Variants in CERS1 observed in about 807,000 individuals in gnomAD.
CERS1 encodes Embryonic growth/differentiation factor 1.
A neutral mutation model predicts 35.7 loss-of-function variants in CERS1; 16 were observed. That is an observed-to-expected ratio of 0.45 (90% CI 0.30 to 0.68). The LOEUF (loss-of-function observed/expected upper bound fraction) is 0.68, where lower values mean the gene tolerates loss of function less well. CERS1 is among the 30% of genes least tolerant of loss of function. The pLI, the probability that CERS1 is intolerant of heterozygous loss-of-function variation, is 0.08. For missense variants in CERS1, 454 were observed against 453.9 expected, an observed-to-expected ratio of 1.00 and a Z score of 0.00; for synonymous variants, 243 against 201.6, an observed-to-expected ratio of 1.21 and a Z score of -1.74.
intron 6 of CERS1, among the ~76,000 whole-genome samples, chr19:18,876,125 C>G (rs1483373242): frequency 6.6e-6 from 1 of 150,540 alleles, no homozygotes; most frequent in African/African-American, 2.4e-5. Context: ...GCTGGGATTG[C>G]AGGCGTGCGC....
intron 2 of CERS1, among the ~76,000 whole-genome samples, chr19:18,890,134 C>T (rs1349144202): frequency 6.6e-6 from 1 of 152,192 alleles, no homozygotes; most frequent in Non-Finnish European, 1.5e-5. Flanking sequence ...ATGGCATGGC[C>T]CCCACTTGCC....
intron 6 of CERS1, chr19:18,877,774 A>AT: frequency 1.2e-5 from 2 of 160,932 alleles, no homozygotes; most frequent in Non-Finnish European, 2.6e-5. Flanking sequence ...AAAAAAAAAA[A>AT]GAATTCTTGA....
At chr19:18,892,984 TCG>T (rs1473341470) in intron 2 of CERS1, among the ~76,000 whole-genome samples, 5 of 143,990 alleles carry the variant, frequency 3.5e-5, no homozygotes, top group South Asian at 2.2e-4. Flanking sequence ...TGGCGCGAAC[TCG>T]GCTCACTGCA....
At chr19:18,881,283 G>A (rs1025429178) in intron 3 of CERS1, among the ~76,000 whole-genome samples, 3 of 149,976 alleles carry the variant, frequency 2.0e-5, no homozygotes. Context: ...GCAATGGCAC[G>A]ATCTCAGCTC....
intron 2 of CERS1, among the ~76,000 whole-genome samples, chr19:18,886,519 C>T (rs917455505): frequency 2.6e-5 from 4 of 152,096 alleles, no homozygotes; most frequent in Non-Finnish European, 5.9e-5. Context: ...GTTGCCACTG[C>T]ACTCCAGCCT....
chr19:18,877,071 T>C (rs914178779), intron 6 of CERS1, among the ~76,000 whole-genome samples: 2 of 152,228 alleles, frequency 1.3e-5, no homozygotes, highest in Non-Finnish European at 2.9e-5. Flanking sequence ...TCCTGTTTTA[T>C]ACCCAACTGC....
At position 18,895,788 on chromosome 19, in the gene CERS1, C is replaced by A; in HGVS notation, c.249+36G>T. ...TCCCCGGTCCCGGCTTCCCCCAGTC[C>A]GGGGTCCCCTCGTCCCGGCCCCCGG... On this transcript the variant is annotated intron_variant, in intron 1 of 7. Transcript: ENST00000623882. This position sits in a 1 kb window ranked among gnomAD's most constrained non-coding sequence, Gnocchi z 6.4. 1.7e-6 allele frequency: 2 copies of A among 1,152,370 alleles called. No individual in the cohort carries two copies. The highest frequency in any genetic ancestry group is 1.1e-6 in the Non-Finnish European group (1 of 918,732). The allele number at this position is 1,152,370 out of a possible 1,614,324, so 71.4% of individuals were successfully genotyped here.
rs769645602 is a variant in CERS1, at chr19:18,895,282, C to A, written c.249+542G>T. ...CGGGCAAGCCGGCCCCGCCGCCGCA[C>A]GGACCCAGCAGAAAACGGGCAGCGG... is the stretch of plus-strand genomic sequence containing the variant. On this transcript the variant is annotated intron_variant, in intron 1 of 7. Transcript: ENST00000623882. The surrounding 1 kb of genome is among the most constrained non-coding windows in gnomAD (Gnocchi z 6.4). Among the ~76,000 whole-genome samples, 237 of 152,302 alleles carry A rather than the reference C, an allele frequency of 1.6e-3. 1 individual carries two copies. The highest frequency in any genetic ancestry group is 3.4e-3 in the Middle Eastern group (1 of 294).
chr19:18,890,790 A>AAG (rs2056471055), intron 2 of CERS1, among the ~76,000 whole-genome samples: 1 of 149,700 alleles, frequency 6.7e-6, no homozygotes, highest in Non-Finnish European at 1.5e-5. Context: ...GGGGAAAAAA[A>AAG]AAAAAAAAAA....
At chr19:18,879,521 T>G in intron 4 of CERS1, 133 bp from the exon 5 acceptor site, 1 of 1,095,818 alleles carries the variant, frequency 9.1e-7, no homozygotes. Flanking sequence ...CTGTTTCTAC[T>G]ACTGCTCTGT....
At position 18,869,985 on chromosome 19, in the gene CERS1, C is replaced by T. The variant is rs1188718821; in HGVS notation, c.*592G>A. ...TCCCCAGCGAAAGCCCCACTCACCG[C>T]GGTCCGGGATGTGGCGCACGATGTT... On this transcript the variant is annotated splice_region_variant and 3_prime_UTR_variant, in exon 7 of 8. Transcript: ENST00000623882. 3 of 1,588,362 alleles carry T rather than the reference C, an allele frequency of 1.9e-6. No homozygotes were observed. The highest frequency in any genetic ancestry group is 2.3e-5 in the East Asian group (1 of 43,228).
At position 18,879,227 on chromosome 19, in the gene CERS1, C is replaced by G. The variant is rs376109182; in HGVS notation, c.900+14G>C. ...CGGGACCGCCACTGTGGAGGAGAGC[C>G]GGGGCCGACTCACCAGGAACCAGTA... On this transcript the variant is annotated intron_variant, in intron 5 of 7. Coordinates refer to ENST00000623882, the MANE Select transcript of CERS1 (RefSeq NM_021267.5). 6.2e-7 allele frequency: 1 copy of G among 1,613,128 alleles called. No individual in the cohort carries two copies. Among genetic ancestry groups the G allele is most frequent in the African/African-American group, 1.3e-5 (1 of 74,854 alleles).
intron 2 of CERS1, 63 bp downstream of exon 2, chr19:18,893,353 C>T (rs1367482347): frequency 4.0e-6 from 6 of 1,516,916 alleles, no homozygotes; most frequent in African/African-American, 1.4e-5. Context: ...TAGCTGGGAC[C>T]ACAAGCCTGG....
chr19:18,879,486 C>T, intron 4 of CERS1, 98 bp from the exon 5 acceptor site: 1 of 1,376,786 alleles, frequency 7.3e-7, no homozygotes, highest in African/African-American at 1.4e-5. Context: ...GCCCCCTTAT[C>T]CCATCCTTGC....
chr19:18,873,949 T>C (rs1352991745), intron 6 of CERS1, among the ~76,000 whole-genome samples: 1 of 150,836 alleles, frequency 6.6e-6, no homozygotes, highest in Admixed American at 6.6e-5. Flanking sequence ...GGGAGGAAGA[T>C]GGGGCACAGC....
intron 2 of CERS1, among the ~76,000 whole-genome samples, chr19:18,889,558 G>A (rs1358612400): frequency 6.6e-6 from 1 of 152,156 alleles, no homozygotes; most frequent in African/African-American, 2.4e-5. Flanking sequence ...CCCAGGAGCT[G>A]GGACCACAGG....
Position 18,870,619 on chromosome 19 carries a change from C to G in CERS1, c.1011G>C (p.Glu337Asp). The change falls in exon 7 of 8, where the codon GAG (glutamate) becomes GAC (aspartate). Residue 337 changes from glutamate to aspartate, a missense_variant and splice_region_variant. Physicochemically the swap from Glu to Asp is conservative, Grantham distance 45. Coordinates refer to ENST00000623882, the MANE Select transcript of CERS1 (RefSeq NM_021267.5). The surrounding 1 kb of genome is among the most constrained non-coding windows in gnomAD (Gnocchi z 5.1). Reference protein sequence around the residue: ...EAQSLKPSKAEKPLRNGLVKD... With the variant: ...EAQSLKPSKADKPLRNGLVKD... ...TCACCAGGCCGTTCCTCAGTGGCTT[C>G]CTGGGGGTCAGAACCGGCGCAGGTT... is the stretch of plus-strand genomic sequence containing the variant. The G allele has an allele frequency of 3.5e-6, 2 of 576,122 alleles. No individual in the cohort carries two copies. Among genetic ancestry groups the G allele is most frequent in the South Asian group, 2.5e-5 (1 of 40,436 alleles). The allele number at this position is 576,122 out of a possible 1,614,324, so 35.7% of individuals were successfully genotyped here. A position where few individuals can be genotyped will look rare whatever the true frequency, so the allele number is the denominator to read the frequency against.
chr19:18,893,306 C>G, intron 2 of CERS1, 110 bp downstream of exon 2: 1 of 1,293,028 alleles, frequency 7.7e-7, no homozygotes, highest in Non-Finnish European at 1.1e-6. Flanking sequence ...CCTCCAACTC[C>G]TGGGCTCCAG....
At chr19:18,875,724 A>G (rs1160459350) in intron 6 of CERS1, among the ~76,000 whole-genome samples, 1 of 152,188 alleles carries the variant, frequency 6.6e-6, no homozygotes, top group Non-Finnish European at 1.5e-5. Context: ...CTTAGACAAC[A>G]AGACCAGTGA....
Sources: allele counts gnomAD v4.1 joint callset (sites outside exome capture counted in the v4.1 genomes callset), GRCh38; gene constraint gnomAD v4.1.1; non-coding constraint Gnocchi (gnomAD v3.1); transcripts MANE v1.5; gene names NCBI Gene and HGNC (gene_info 2026-07-23, HGNC 2026-07-21).